LEO1: variants seen among roughly 807,000 people sequenced by gnomAD.
LEO1 encodes RNA polymerase-associated protein LEO1.
In LEO1, 34 loss-of-function variants were observed where a neutral mutation model predicts 80.4. The ratio of observed to expected loss-of-function variants is 0.42; its 90% CI spans 0.32 to 0.56. The LOEUF is 0.56. Ranked by LOEUF, LEO1 falls within the 20% of genes least tolerant of loss-of-function variation. The pLI is 0.10. For missense variants in LEO1, 631 were observed against 814.2 expected, an observed-to-expected ratio of 0.77 and a Z score of 2.74; for synonymous variants, 262 against 274.9, an observed-to-expected ratio of 0.95 and a Z score of 0.46.
intron 11 of LEO1, among the ~76,000 whole-genome samples, chr15:51,943,291 A>C (rs1164314448): frequency 6.6e-6 from 1 of 151,906 alleles, no homozygotes; most frequent in East Asian, 1.9e-4. Flanking sequence ...AGGCAGGAGA[A>C]TCGCTTGAAT....
Position 51,959,967 on chromosome 15 carries a change from T to G in LEO1, c.1092A>C (p.Lys364Asn). The G allele has an allele frequency of 6.2e-7, 1 of 1,613,620 alleles. No individual in the cohort carries two copies. The highest frequency in any genetic ancestry group is 8.5e-7 in the Non-Finnish European group (1 of 1,179,688). Residue 364 changes from lysine to asparagine, a missense_variant, in exon 5 of 12, where the codon AAA (lysine) becomes AAC (asparagine). This residue lies in a region of LEO1 where 95 missense variants were observed against 171.7 expected (regional missense o/e 0.55). Coordinates refer to ENST00000299601, the MANE Select transcript of LEO1 (RefSeq NM_138792.4). ...PETRIEVEIPKVNTDLGNDLY... is the reference protein window; with the variant it reads ...PETRIEVEIPNVNTDLGNDLY... ...AGTCGTTTCCTAAATCAGTGTTTAC[T>G]TTGGGTATTTCTACTTCTATTCTGG...
intron 6 of LEO1, among the ~76,000 whole-genome samples, chr15:51,956,839 G>C (rs1010832583): frequency 6.6e-5 from 10 of 151,484 alleles, no homozygotes; most frequent in African/African-American, 1.9e-4. Flanking sequence ...TTTTTTTTTG[G>C]GGGGGAGACA....
At chr15:51,961,219 C>T (rs951652147) in intron 3 of LEO1, among the ~76,000 whole-genome samples, 1 of 152,148 alleles carries the variant, frequency 6.6e-6, no homozygotes, top group African/African-American at 2.4e-5. Context: ...CCCGTCTCTA[C>T]TAAAAATACA....
Position 51,953,222 on chromosome 15 carries a change from T to C in LEO1, c.1382A>G (p.Lys461Arg). Residue 461 changes from lysine (K) to arginine (R), a missense_variant, in exon 8 of 12, where the codon AAA becomes AGA. Lys to Arg is a conservative substitution (Grantham distance 26). Transcript: ENST00000299601. ...ATTGTGGTCGCCCTGCAGTGGGGCT[T>C]TGTACACATCAAACACTTCATTGCC... is the stretch of plus-strand genomic sequence containing the variant. ...HLGNEVFDVY[K>R]APLQGDHNHL... 6.2e-7 allele frequency: 1 copy of C among 1,614,142 alleles called. No homozygotes were observed. Among genetic ancestry groups the C allele is most frequent in the Non-Finnish European group, 8.5e-7 (1 of 1,179,944 alleles).
At chr15:51,945,858 C>A (rs747823692) in intron 11 of LEO1, among the ~76,000 whole-genome samples, 15 of 151,894 alleles carry the variant, frequency 9.9e-5, no homozygotes, top group Non-Finnish European at 2.1e-4. Flanking sequence ...CACAGTGAAA[C>A]CCCATCCCTA....
chr15:51,947,246 C>G (rs557657843), intron 11 of LEO1, 46 bp downstream of exon 11: 1 of 1,297,342 alleles, frequency 7.7e-7, no homozygotes, highest in South Asian at 1.2e-5. Flanking sequence ...GCAGTTGGCT[C>G]CTGAGTACAG....
intron 6 of LEO1, among the ~76,000 whole-genome samples, chr15:51,958,329 T>A (rs1445310098): frequency 6.6e-6 from 1 of 151,756 alleles, no homozygotes; most frequent in Non-Finnish European, 1.5e-5. Flanking sequence ...TGGCATGTTT[T>A]CTGTAGTCCC....
chr15:51,961,352 A>AGGTGGTGGTGGTGGT (rs367548538), intron 3 of LEO1, among the ~76,000 whole-genome samples: 16 of 139,828 alleles, frequency 1.1e-4, no homozygotes, highest in Non-Finnish European at 2.3e-4. Context: ...TTATAATACC[A>AGGTGGTGGTGGTGGT]GGTGGTGGTG....
chr15:51,971,308 C>T (rs1313752070), intron 1 of LEO1, among the ~76,000 whole-genome samples: 1 of 152,300 alleles, frequency 6.6e-6, no homozygotes, highest in Non-Finnish European at 1.5e-5. Flanking sequence ...ATCCCATATT[C>T]CTGCATTCAT....
intron 6 of LEO1, among the ~76,000 whole-genome samples, 176 bp downstream of exon 6, chr15:51,958,566 A>G (rs1284730984): frequency 1.3e-5 from 2 of 152,230 alleles, no homozygotes; most frequent in Admixed American, 1.3e-4. Context: ...AGAAGCATTA[A>G]TGGGAATTTA....
chr15:51,969,329 T>C (rs139564100), intron 1 of LEO1, among the ~76,000 whole-genome samples: 1 of 150,994 alleles, frequency 6.6e-6, no homozygotes, highest in East Asian at 2.0e-4. Flanking sequence ...AAATGGCCAA[T>C]AAATACATGA....
chr15:51,938,640 G>A (rs1436074047), intron 11 of LEO1, among the ~76,000 whole-genome samples: 1 of 152,086 alleles, frequency 6.6e-6, no homozygotes, highest in Non-Finnish European at 1.5e-5. Flanking sequence ...GTATTTTAAA[G>A]ACTGTTGATT....
chr15:51,952,214 T>C (rs145606806), intron 8 of LEO1: 47 of 389,910 alleles, frequency 1.2e-4, no homozygotes, highest in African/African-American at 8.6e-4. Context: ...GTAAAAAAGA[T>C]TGTATGGCAT....
chr15:51,964,265 C>T (rs1478109816), intron 2 of LEO1, among the ~76,000 whole-genome samples: 2 of 151,792 alleles, frequency 1.3e-5, no homozygotes, highest in Non-Finnish European at 2.9e-5. Context: ...ATGGATGAAG[C>T]TGGAAACCAT....
In LEO1 at chr15:51,966,329, A is replaced by G; in HGVS notation, c.234T>C (p.Asp78=). 1 of 1,614,190 alleles carries G rather than the reference A, an allele frequency of 6.2e-7. No individual in the cohort carries two copies. Among genetic ancestry groups the G allele is most frequent in the Non-Finnish European group, 8.5e-7 (1 of 1,180,030 alleles). ...TATTGTCTGATCTTTCAGAGTGATT[A>G]TCACTACCACTATGATGTGAAGCTC... The part of the protein sequence containing the change: ...DEGASHHSGS[D]NHSERSDNRS... The change falls in exon 2 of 12, where the codon GAT becomes GAC. Residue 78 remains aspartate (D), a synonymous_variant. Transcript: ENST00000299601.
At chr15:51,951,363 G>A (rs1254889436) in intron 9 of LEO1, among the ~76,000 whole-genome samples, 3 of 152,202 alleles carry the variant, frequency 2.0e-5, no homozygotes, top group African/African-American at 7.2e-5. Flanking sequence ...ATTAACAGCT[G>A]GGTCAAATTT....
chr15:51,970,888 A>C (rs1411060629), intron 1 of LEO1, among the ~76,000 whole-genome samples: 23 of 152,208 alleles, frequency 1.5e-4, no homozygotes. Flanking sequence ...AGGCTGAGGC[A>C]GAAGGATGGC....
At chr15:51,941,088 C>CAAAG (rs142742499) in intron 11 of LEO1, among the ~76,000 whole-genome samples, 1 of 150,902 alleles carries the variant, frequency 6.6e-6, no homozygotes, top group African/African-American at 2.4e-5. Flanking sequence ...AACAAACAAA[C>CAAAG]AAATAAATAA....
intron 9 of LEO1, 106 bp downstream of exon 9, chr15:51,951,738 A>G: frequency 1.1e-6 from 1 of 952,326 alleles, no homozygotes; most frequent in South Asian, 1.6e-5. Context: ...TGTCAGTTGG[A>G]AGAGGAAAAG....
Sources: gnomAD v4.1 joint callset for allele counts (sites outside exome capture counted in the v4.1 genomes callset) on GRCh38, gnomAD v4.1.1 for gene constraint, gnomAD v4.1.1 regional missense constraint, MANE v1.5 for transcripts, NCBI Gene and HGNC (gene_info 2026-07-23, HGNC 2026-07-21) for gene names.